Variants in KIAA1217 observed in about 807,000 individuals in gnomAD.
The protein encoded by KIAA1217 is KIAA1217.
A neutral mutation model predicts 163.9 loss-of-function variants in KIAA1217; 88 were observed. The observed-to-expected ratio is 0.54, with a 90% CI of 0.45 to 0.64. The LOEUF (loss-of-function observed/expected upper bound fraction) is 0.64. KIAA1217 is among the 30% of genes least tolerant of loss of function. The pLI is 0.00. For synonymous variants in KIAA1217, 903 were observed against 923.1 expected (o/e 0.98, Z 0.39); for missense variants, 2,372 against 2,475.0 (o/e 0.96, Z 0.88).
chr10:23,727,212 C>T (rs750421076), intron 1 of KIAA1217, among the ~76,000 whole-genome samples: 14 of 151,778 alleles, frequency 9.2e-5, no homozygotes, highest in African/African-American at 3.1e-4. Flanking sequence ...AGGAAGGTCT[C>T]GATCTCCTAA....
In KIAA1217 at chr10:24,473,510, G is replaced by A. The variant is rs1447407299; in HGVS notation, c.1129G>A (p.Glu377Lys). 6.2e-7 allele frequency: 1 copy of A among 1,614,056 alleles called. No homozygotes were observed. The highest frequency in any genetic ancestry group is 2.2e-5 in the East Asian group (1 of 44,876). ...ILERRDVKPD[E>K]DMSGKNIAMY... ...AGAAAGAAGAGATGTCAAGCCTGAT[G>A]AAGACATGAGTGGCAAAAACATTGC... is the stretch of plus-strand genomic sequence containing the variant. The change falls in exon 6 of 21, where the codon GAA (glutamate) becomes AAA (lysine). Residue 377 changes from glutamate (E) to lysine (K), a missense_variant. By Grantham distance (56) the Glu-to-Lys change is moderately conservative. Coordinates refer to ENST00000376454, the MANE Select transcript of KIAA1217 (RefSeq NM_019590.5).
At chr10:24,430,640 G>A (rs964558468) in intron 3 of KIAA1217, among the ~76,000 whole-genome samples, 2 of 152,166 alleles carry the variant, frequency 1.3e-5, no homozygotes, top group Non-Finnish European at 2.9e-5. Context: ...TGGAGGTGAT[G>A]AGTGACAGTG....
chr10:24,247,022 A>C (rs1238262834), intron 2 of KIAA1217, among the ~76,000 whole-genome samples: 14 of 143,988 alleles, frequency 9.7e-5, no homozygotes, highest in Admixed American at 8.5e-4. Context: ...CAAAAAAAAA[A>C]ACAACCATAT....
intron 1 of KIAA1217, among the ~76,000 whole-genome samples, chr10:23,954,111 C>T (rs1844454253): frequency 6.6e-6 from 1 of 152,164 alleles, no homozygotes; most frequent in African/African-American, 2.4e-5. Context: ...ATCCACTGAG[C>T]AAGAACATGG....
chr10:24,170,723 A>C (rs2065588658), intron 2 of KIAA1217, among the ~76,000 whole-genome samples: 1 of 152,224 alleles, frequency 6.6e-6, no homozygotes, highest in Non-Finnish European at 1.5e-5. Flanking sequence ...TTCTATTCCG[A>C]GTTGACTAGA....
intron 1 of KIAA1217, among the ~76,000 whole-genome samples, chr10:23,795,123 T>C (rs1836137421): frequency 6.6e-6 from 1 of 152,210 alleles, no homozygotes; most frequent in Admixed American, 6.5e-5. Flanking sequence ...ACAGCCCCAT[T>C]AATAACATTT....
intron 2 of KIAA1217, among the ~76,000 whole-genome samples, chr10:24,112,843 C>G (rs961532268): frequency 3.9e-5 from 6 of 152,128 alleles, no homozygotes; most frequent in African/African-American, 7.2e-5. Flanking sequence ...GCCTCAGCCT[C>G]CCACAGTGCT....
intron 1 of KIAA1217, among the ~76,000 whole-genome samples, chr10:23,891,765 G>A (rs559447829): frequency 2.0e-5 from 3 of 151,594 alleles, no homozygotes; most frequent in South Asian, 4.2e-4. Flanking sequence ...TTTATTTTTT[G>A]TACTTCTTAG....
At chr10:24,317,187 T>G (rs974789394) in intron 2 of KIAA1217, among the ~76,000 whole-genome samples, 2 of 152,226 alleles carry the variant, frequency 1.3e-5, no homozygotes, top group African/African-American at 4.8e-5. Flanking sequence ...TTATGTTATG[T>G]TCAATGTATA....
intron 2 of KIAA1217, among the ~76,000 whole-genome samples, chr10:24,028,475 C>T (rs1224460689): frequency 6.6e-6 from 1 of 152,050 alleles, no homozygotes; most frequent in Non-Finnish European, 1.5e-5. Flanking sequence ...TTTATGTCGA[C>T]TTTTTCAAAA....
At chr10:24,196,257 G>A (rs2066985632) in intron 2 of KIAA1217, among the ~76,000 whole-genome samples, 1 of 152,002 alleles carries the variant, frequency 6.6e-6, no homozygotes, top group Non-Finnish European at 1.5e-5. Context: ...GTTTTCCCTG[G>A]CAACCCCACC....
chr10:24,065,839 A>G (rs529032819), intron 2 of KIAA1217, among the ~76,000 whole-genome samples: 17 of 152,298 alleles, frequency 1.1e-4, no homozygotes, highest in African/African-American at 3.8e-4. Flanking sequence ...TATTGGGTGC[A>G]TATATATTTA....
chr10:23,859,360 G>A (rs1330503135), intron 1 of KIAA1217, among the ~76,000 whole-genome samples: 1 of 152,184 alleles, frequency 6.6e-6, no homozygotes, highest in Non-Finnish European at 1.5e-5. Context: ...TCCAACAATA[G>A]GCACTAAACT....
chr10:23,861,459 A>G (rs1839946756), intron 1 of KIAA1217, among the ~76,000 whole-genome samples: 1 of 152,188 alleles, frequency 6.6e-6, no homozygotes, highest in Non-Finnish European at 1.5e-5. Context: ...ATTACACGGT[A>G]GAGAGGACTT....
At chr10:23,983,049 G>T (rs1845836348) in intron 1 of KIAA1217, among the ~76,000 whole-genome samples, 2 of 151,930 alleles carry the variant, frequency 1.3e-5, no homozygotes, top group African/African-American at 4.8e-5. Flanking sequence ...CCCAAGACTG[G>T]CAGTGAACCA....
chr10:24,164,425 C>A (rs1279518649), intron 2 of KIAA1217, among the ~76,000 whole-genome samples: 1 of 152,156 alleles, frequency 6.6e-6, no homozygotes, highest in African/African-American at 2.4e-5. Flanking sequence ...ACTGGTGTAC[C>A]TGTTTCAAGA....
chr10:24,333,160 G>A (rs924493346), intron 2 of KIAA1217, among the ~76,000 whole-genome samples: 2 of 151,956 alleles, frequency 1.3e-5, no homozygotes, highest in African/African-American at 4.8e-5. Flanking sequence ...TAGTAGCTGG[G>A]ATTACAAACG....
At chr10:24,068,317 A>G (rs1297995592) in intron 2 of KIAA1217, among the ~76,000 whole-genome samples, 1 of 152,182 alleles carries the variant, frequency 6.6e-6, no homozygotes, top group Non-Finnish European at 1.5e-5. Context: ...TTCAGCTCCA[A>G]GATTTCTGTT....
chr10:23,714,055 G>A (rs1184822294), intron 1 of KIAA1217, among the ~76,000 whole-genome samples: 1 of 151,942 alleles, frequency 6.6e-6, no homozygotes, highest in Non-Finnish European at 1.5e-5. Flanking sequence ...TATATTTCCT[G>A]GCAAAGGGAT....
Sources: gnomAD v4.1 joint callset for allele counts (sites outside exome capture counted in the v4.1 genomes callset) on GRCh38, gnomAD v4.1.1 for gene constraint, MANE v1.5 for transcripts, NCBI Gene and HGNC (gene_info 2026-07-23, HGNC 2026-07-21) for gene names.